The following DTNBP1 variants were observed in gnomAD, a reference collection of about 807,000 sequenced individuals.
DTNBP1 encodes dysbindin.
Under a neutral mutation model 42.8 loss-of-function variants are expected in DTNBP1, and 35 were observed. That is an observed-to-expected ratio of 0.82 (90% CI 0.63 to 1.09). The LOEUF is 1.09. Ranked by LOEUF, DTNBP1 falls within the 50% of genes least tolerant of loss-of-function variation. The pLI is 0.00. For missense variants in DTNBP1, 457 were observed against 424.2 expected (o/e 1.08, Z -0.68); for synonymous variants, 171 against 162.2 (o/e 1.05, Z -0.41).
At position 15,639,223 on chromosome 6, in the gene DTNBP1, T is replaced by C. The variant is rs527685244; in HGVS notation, c.162-1419A>G. Among the ~76,000 whole-genome samples the C allele has an allele frequency of 5.9e-5, 9 of 152,360 alleles. No homozygotes were observed. The South Asian group carries it at 1.7e-3, about 28-fold the overall frequency. ...TAATTTTCTGGTTTGATCATTGTAC[T>C]GTGGTTATATGAAATGCTAACACTG... On this transcript the variant is annotated intron_variant, in intron 3 of 9. Coordinates refer to ENST00000344537, the MANE Select transcript of DTNBP1 (RefSeq NM_032122.5).
chr6:15,609,198 A>G (rs2113681356), intron 6 of DTNBP1, among the ~76,000 whole-genome samples: 1 of 150,828 alleles, frequency 6.6e-6, no homozygotes, highest in Non-Finnish European at 1.5e-5. Flanking sequence ...TTTAAGTTAT[A>G]GGGTGCATGT....
chr6:15,614,368 G>A (rs892239491), intron 6 of DTNBP1, among the ~76,000 whole-genome samples: 2 of 150,894 alleles, frequency 1.3e-5, no homozygotes, highest in Non-Finnish European at 2.9e-5. Flanking sequence ...AGTGTACTCT[G>A]CCCAACCTAT....
At chr6:15,657,074 G>A (rs1276783659) in intron 1 of DTNBP1, among the ~76,000 whole-genome samples, 1 of 152,130 alleles carries the variant, frequency 6.6e-6, no homozygotes, top group Non-Finnish European at 1.5e-5. Flanking sequence ...ACTTAAAAGT[G>A]CAAATGGCCT....
chr6:15,570,378 G>A (rs1182767253), intron 7 of DTNBP1, among the ~76,000 whole-genome samples: 1 of 152,156 alleles, frequency 6.6e-6, no homozygotes, highest in Non-Finnish European at 1.5e-5. Context: ...CAGCCAAGTG[G>A]CCGTTTCCTG....
At chr6:15,624,916 T>C (rs1260129671) in intron 5 of DTNBP1, among the ~76,000 whole-genome samples, 1 of 152,178 alleles carries the variant, frequency 6.6e-6, no homozygotes, top group Non-Finnish European at 1.5e-5. Context: ...ATAAAGTACA[T>C]TAATGGTACA....
At chr6:15,537,650 C>T (rs73369573) in intron 7 of DTNBP1, among the ~76,000 whole-genome samples, 3,878 of 152,182 alleles carry the variant, frequency 0.025, 180 homozygotes, top group African/African-American at 0.087. Context: ...GAGGCAGTTT[C>T]GCCCATGCTG....
At chr6:15,531,052 G>A (rs1772785333) in intron 8 of DTNBP1, among the ~76,000 whole-genome samples, 1 of 151,982 alleles carries the variant, frequency 6.6e-6, no homozygotes, top group South Asian at 2.1e-4. Flanking sequence ...CTAATACCAA[G>A]AGATAGCAGA....
At position 15,531,647 on chromosome 6, in the gene DTNBP1, T is replaced by G. The variant is rs568978312; in HGVS notation, c.667+1593A>C. ...GGATTTCTTTTTATTTATGTATTTATTTTTTGAGATGGAGTCTTGCTCTGT... is the reference window on the plus strand; with the variant it reads ...GGATTTCTTTTTATTTATGTATTTAGTTTTTGAGATGGAGTCTTGCTCTGT... On this transcript the variant is annotated intron_variant, in intron 8 of 9. Coordinates refer to ENST00000344537, the MANE Select transcript of DTNBP1 (RefSeq NM_032122.5). 2.4e-3 allele frequency among the ~76,000 whole-genome samples: 367 copies of G among 152,338 alleles called. 3 individuals are homozygous for G. The highest frequency in any genetic ancestry group is 8.4e-3 in the African/African-American group (348 of 41,578).
At chr6:15,586,239 A>G (rs901801853) in intron 7 of DTNBP1, among the ~76,000 whole-genome samples, 5 of 152,190 alleles carry the variant, frequency 3.3e-5, no homozygotes, top group African/African-American at 1.2e-4. Flanking sequence ...CCCCTACCTC[A>G]TTTTTAATGT....
At chr6:15,655,731 A>G (rs1467661967) in intron 1 of DTNBP1, among the ~76,000 whole-genome samples, 1 of 152,194 alleles carries the variant, frequency 6.6e-6, no homozygotes, top group African/African-American at 2.4e-5. Context: ...ATTGTTTCCA[A>G]CTATTATTCT....
intron 5 of DTNBP1, among the ~76,000 whole-genome samples, chr6:15,624,535 A>C (rs1161324204): frequency 1.3e-5 from 2 of 152,160 alleles, no homozygotes; most frequent in African/African-American, 4.8e-5. Flanking sequence ...ACATAACATA[A>C]ATCCTTTGCC....
At chr6:15,615,071 C>A in intron 6 of DTNBP1, 196 bp downstream of exon 6, 1 of 800,668 alleles carries the variant, frequency 1.2e-6, no homozygotes. Context: ...TTACCTTCTC[C>A]TGAGTTTTTT....
chr6:15,581,203 G>A (rs1053398770), intron 7 of DTNBP1, among the ~76,000 whole-genome samples: 11 of 152,116 alleles, frequency 7.2e-5, no homozygotes, highest in Admixed American at 3.3e-4. Context: ...TTTTTTAGAC[G>A]GAGTCTCACT....
At chr6:15,637,940 C>A (rs1386656022) in intron 3 of DTNBP1, 136 bp from the exon 4 acceptor site, 5 of 916,848 alleles carry the variant, frequency 5.5e-6, no homozygotes, top group Non-Finnish European at 8.4e-6. Flanking sequence ...TGCAAGGACA[C>A]AGACGTCAAC....
At chr6:15,571,989 A>C (rs79135290) in intron 7 of DTNBP1, among the ~76,000 whole-genome samples, 3,895 of 152,256 alleles carry the variant, frequency 0.026, 184 homozygotes, top group African/African-American at 0.088. Context: ...AACTACCTTA[A>C]TTTATAAGCT....
chr6:15,566,260 A>G (rs1049662606), intron 7 of DTNBP1, among the ~76,000 whole-genome samples: 8 of 146,944 alleles, frequency 5.4e-5, no homozygotes, highest in African/African-American at 1.3e-4. Context: ...GCTTGCAGTG[A>G]GCCGAGATCC....
intron 6 of DTNBP1, among the ~76,000 whole-genome samples, chr6:15,600,809 T>G (rs953154615): frequency 6.6e-6 from 1 of 152,128 alleles, no homozygotes. Flanking sequence ...CAGAAAAAGG[T>G]CAGGTTTTGC....
Position 15,589,197 on chromosome 6 carries a change from G to A in DTNBP1, c.511+3862C>T, listed in dbSNP as rs149338435. Among the ~76,000 whole-genome samples the A allele has an allele frequency of 4.7e-3, 719 of 152,282 alleles. 6 individuals carry two copies. Among genetic ancestry groups the A allele is most frequent in the African/African-American group, 0.016 (661 of 41,544 alleles). On this transcript the variant is annotated intron_variant, in intron 7 of 9. Transcript: ENST00000344537. ...AGTAATATGCATAAGCCACATCCACGAGTCATCCAAACAAGTGAGACTCCT... is the reference window on the plus strand; with the variant it reads ...AGTAATATGCATAAGCCACATCCACAAGTCATCCAAACAAGTGAGACTCCT...
At chr6:15,588,285 TG>T (rs1776160168) in intron 7 of DTNBP1, among the ~76,000 whole-genome samples, 1 of 152,210 alleles carries the variant, frequency 6.6e-6, no homozygotes, top group African/African-American at 2.4e-5. Context: ...AGTCTAGACC[TG>T]ATCTTCTCTA....
Sources: allele counts gnomAD v4.1 joint callset (sites outside exome capture counted in the v4.1 genomes callset), GRCh38; gene constraint gnomAD v4.1.1; transcripts MANE v1.5; gene names NCBI Gene and HGNC (gene_info 2026-07-23, HGNC 2026-07-21).